The following ST3GAL3 variants were observed in gnomAD, a reference collection of about 807,000 sequenced individuals.
ST3GAL3 encodes the protein ST3 beta-galactoside alpha-2,3-sialyltransferase 3.
A neutral mutation model predicts 50.1 loss-of-function variants in ST3GAL3; 21 were observed. The observed-to-expected ratio is 0.42, with a 90% CI of 0.30 to 0.60. ST3GAL3 has a LOEUF of 0.60. Ranked by LOEUF, ST3GAL3 falls within the 20% of genes least tolerant of loss-of-function variation. The pLI, the probability that ST3GAL3 is intolerant of heterozygous loss-of-function variation, is 0.19. For missense variants in ST3GAL3, 353 were observed against 489.4 expected (o/e 0.72, Z 2.63); for synonymous variants, 183 against 190.0 (o/e 0.96, Z 0.30).
chr1:43,880,799 C>G (rs188560179), intron 5 of ST3GAL3, among the ~76,000 whole-genome samples: 2 of 152,062 alleles, frequency 1.3e-5, no homozygotes, highest in African/African-American at 4.8e-5. Context: ...TTAATACGAA[C>G]GAGGATATAA....
At chr1:43,731,976 C>T (rs899790431) in intron 1 of ST3GAL3, among the ~76,000 whole-genome samples, 1 of 152,150 alleles carries the variant, frequency 6.6e-6, no homozygotes, top group African/African-American at 2.4e-5. Context: ...TGGCGCCCGG[C>T]CCTTAATCTT....
At chr1:43,750,598 G>T (rs529994771) in intron 2 of ST3GAL3, among the ~76,000 whole-genome samples, 1 of 152,104 alleles carries the variant, frequency 6.6e-6, no homozygotes, top group Non-Finnish European at 1.5e-5. Context: ...AATGAAAAAT[G>T]TTATCTTTTG....
At chr1:43,908,979 G>A (rs1471049689) in intron 9 of ST3GAL3, among the ~76,000 whole-genome samples, 4 of 152,102 alleles carry the variant, frequency 2.6e-5, no homozygotes, top group Non-Finnish European at 1.5e-5. Context: ...CTGGCTATAT[G>A]GACCTATGGA....
chr1:43,804,863 A>G (rs1267685823), intron 3 of ST3GAL3, among the ~76,000 whole-genome samples: 4 of 152,110 alleles, frequency 2.6e-5, no homozygotes, highest in African/African-American at 9.7e-5. Context: ...CACTGCTACC[A>G]CCAGCACTGC....
chr1:43,782,913 AT>A (rs1699822466), intron 2 of ST3GAL3, among the ~76,000 whole-genome samples: 1 of 152,212 alleles, frequency 6.6e-6, no homozygotes, highest in Non-Finnish European at 1.5e-5. Context: ...ATAAAAATTC[AT>A]TTCATAGAAG....
intron 5 of ST3GAL3, chr1:43,851,659 G>T: frequency 7.6e-7 from 1 of 1,311,508 alleles, no homozygotes; most frequent in Non-Finnish European, 1.1e-6. Flanking sequence ...TGTCTTTGAG[G>T]GGCTGCGCCA....
chr1:43,925,494 A>G (rs1315258183), intron 11 of ST3GAL3, among the ~76,000 whole-genome samples: 1 of 152,162 alleles, frequency 6.6e-6, no homozygotes, highest in Non-Finnish European at 1.5e-5. Context: ...CAGAAATCTT[A>G]GCCATTATGA....
intron 2 of ST3GAL3, among the ~76,000 whole-genome samples, chr1:43,765,793 GCGCGCGCGTCCGCGCGTC>G (rs1558203660): frequency 7.5e-5 from 11 of 146,570 alleles, no homozygotes; most frequent in African/African-American, 3.0e-4. Context: ...GTGCGCGCGC[GCGCGCGCGTCCGCGCGTC>G]CGCGTGCGCT....
At chr1:43,838,535 T>C in intron 5 of ST3GAL3, 2 of 520,652 alleles carry the variant, frequency 3.8e-6, no homozygotes, top group Admixed American at 2.7e-5. Flanking sequence ...TGGCACAGCC[T>C]GTTTCTGCAG....
At chr1:43,733,254 G>C (rs1041031945) in intron 1 of ST3GAL3, among the ~76,000 whole-genome samples, 3 of 152,092 alleles carry the variant, frequency 2.0e-5, no homozygotes, top group African/African-American at 7.2e-5. Flanking sequence ...TCCTACTTCG[G>C]CCTCTCAGGT....
chr1:43,923,693 G>A (rs1024970709), intron 11 of ST3GAL3, among the ~76,000 whole-genome samples: 1 of 152,020 alleles, frequency 6.6e-6, no homozygotes, highest in Non-Finnish European at 1.5e-5. Context: ...ATAGCTCACT[G>A]TAGCCATAAA....
At chr1:43,755,047 A>G (rs577340683) in intron 2 of ST3GAL3, among the ~76,000 whole-genome samples, 12 of 152,360 alleles carry the variant, frequency 7.9e-5, no homozygotes, top group African/African-American at 2.9e-4. Context: ...AATCTAATTT[A>G]AGGATTTTGT....
At chr1:43,744,533 A>T (rs1682603517) in intron 2 of ST3GAL3, among the ~76,000 whole-genome samples, 1 of 151,646 alleles carries the variant, frequency 6.6e-6, no homozygotes, top group African/African-American at 2.4e-5. Context: ...GAGCCACCAC[A>T]CCTGGCGGCA....
intron 5 of ST3GAL3, chr1:43,850,726 GTGCCTCA>G: frequency 1.3e-6 from 1 of 750,456 alleles, no homozygotes; most frequent in Non-Finnish European, 2.4e-6. Context: ...AGCTCCGTCA[GTGCCTCA>G]GACAGAGCTC....
At position 43,814,880 on chromosome 1, in the gene ST3GAL3, T is replaced by C. The variant is rs1399293817; in HGVS notation, c.167-11T>C. The C allele has an allele frequency of 6.2e-7, 1 of 1,614,172 alleles. No homozygotes were observed. Among genetic ancestry groups the C allele is most frequent in the Non-Finnish European group, 8.5e-7 (1 of 1,179,990 alleles). Reference sequence around the variant, plus strand: ...TTGACTTCAGTGACATTTTCTGCTTTTCTTTTTCAGAGTATGATCGGTTGG... The same window carrying C: ...TTGACTTCAGTGACATTTTCTGCTTCTCTTTTTCAGAGTATGATCGGTTGG... On this transcript the variant is annotated splice_polypyrimidine_tract_variant and intron_variant, in intron 3 of 11. Coordinates refer to ENST00000347631, the MANE Select transcript of ST3GAL3 (RefSeq NM_006279.5).
intron 5 of ST3GAL3, chr1:43,839,022 G>T (rs1235759071): frequency 6.4e-6 from 1 of 155,648 alleles, no homozygotes; most frequent in African/African-American, 2.4e-5. Context: ...GCCTAGGATT[G>T]TCTGGGCACT....
At chr1:43,851,228 G>A in intron 5 of ST3GAL3, 1 of 1,560,850 alleles carries the variant, frequency 6.4e-7, no homozygotes, top group Non-Finnish European at 8.8e-7. Context: ...CACCTTATAG[G>A]GCATAGATTC....
intron 4 of ST3GAL3, among the ~76,000 whole-genome samples, chr1:43,835,119 A>G (rs141604328): frequency 4.2e-4 from 64 of 152,270 alleles, no homozygotes; most frequent in African/African-American, 1.5e-3. Context: ...ACTGGGTTTA[A>G]TGCTAAATCT....
At chr1:43,901,997 C>CCTCTTCT (rs1282207051) in intron 9 of ST3GAL3, among the ~76,000 whole-genome samples, 8 of 152,204 alleles carry the variant, frequency 5.3e-5, no homozygotes. Flanking sequence ...GCCCAAGGGA[C>CCTCTTCT]CTCTTCTTTA....
Sources: gnomAD v4.1 joint callset for allele counts (sites outside exome capture counted in the v4.1 genomes callset) on GRCh38, gnomAD v4.1.1 for gene constraint, MANE v1.5 for transcripts, NCBI Gene and HGNC (gene_info 2026-07-23, HGNC 2026-07-21) for gene names.